The following RBFOX2 variants were observed in gnomAD, a reference collection of about 807,000 sequenced individuals.
RBFOX2 encodes the protein RNA binding fox-1 homolog 2.
Under a neutral mutation model 49.1 loss-of-function variants are expected in RBFOX2, and 10 were observed. That is an observed-to-expected ratio of 0.20 (90% CI 0.13 to 0.35). RBFOX2 has a LOEUF of 0.35. RBFOX2 is among the 10% of genes least tolerant of loss of function. The pLI is 1.00. For missense variants in RBFOX2, 323 were observed against 486.9 expected, an observed-to-expected ratio of 0.66 and a Z score of 3.17; for synonymous variants, 183 against 187.4, an observed-to-expected ratio of 0.98 and a Z score of 0.19.
rs375088964 is a variant in RBFOX2 at position 35,977,722 on chromosome 22, CTATATATATATATATATATATATA to C, written c.187-38849_187-38826del. On this transcript the variant is annotated intron_variant, in intron 1 of 13. Coordinates refer to the RBFOX2 transcript ENST00000438146. Reference sequence around the variant, plus strand: ...TGCATGTAAATTATACCTGAATGAACTATATATATATATATATATATATATATATATATATATATACATGCACAC... The same window carrying C: ...TGCATGTAAATTATACCTGAATGAACTATATATATATATATACATGCACAC... Among the ~76,000 whole-genome samples, 98 of 80,874 alleles carry C rather than the reference CTATATATATATATATATATATATA, an allele frequency of 1.2e-3. 4 individuals are homozygous for C. Among genetic ancestry groups the C allele is most frequent in the African/African-American group, 4.3e-3 (91 of 21,090 alleles). The allele number at this position is 80,874 out of a possible 152,430, so 53.1% of individuals were successfully genotyped here.
intron 2 of RBFOX2, among the ~76,000 whole-genome samples, chr22:35,784,371 G>A (rs1945906466): frequency 6.6e-6 from 1 of 152,214 alleles, no homozygotes; most frequent in Non-Finnish European, 1.5e-5. Flanking sequence ...TTCCCACGGA[G>A]AGGCACATGG....
chr22:35,989,575 A>G (rs898901546), intron 1 of RBFOX2, among the ~76,000 whole-genome samples: 2 of 152,156 alleles, frequency 1.3e-5, no homozygotes, highest in Non-Finnish European at 2.9e-5. Flanking sequence ...AAGGGAGGAG[A>G]GTGAAAAGCA....
intron 2 of RBFOX2, among the ~76,000 whole-genome samples, chr22:35,807,664 C>T (rs1951024644): frequency 6.6e-6 from 1 of 151,850 alleles, no homozygotes; most frequent in South Asian, 2.1e-4. Context: ...ATCACCTAAG[C>T]TTGCAACTCA....
intron 1 of RBFOX2, among the ~76,000 whole-genome samples, chr22:35,977,722 C>CTATAGATATAGATATATATATATA (rs1289842750): frequency 1.2e-5 from 1 of 80,842 alleles, no homozygotes; most frequent in African/African-American, 4.8e-5. Flanking sequence ...CCTGAATGAA[C>CTATAGATATAGATATATATATATA]TATATATATA....
intron 1 of RBFOX2, among the ~76,000 whole-genome samples, chr22:35,890,081 A>C (rs1340743249): frequency 6.6e-6 from 1 of 152,142 alleles, no homozygotes; most frequent in Non-Finnish European, 1.5e-5. Context: ...TTGCTACTTC[A>C]TTTCTAAAAT....
chr22:35,944,494 T>C (rs1050017407), intron 1 of RBFOX2, among the ~76,000 whole-genome samples: 23 of 152,192 alleles, frequency 1.5e-4, no homozygotes, highest in Admixed American at 1.5e-3. Context: ...CTATTTTTTG[T>C]AGCATTTTAA....
intron 3 of RBFOX2, 55 bp from the exon 5 acceptor site, chr22:35,778,133 T>A: frequency 1.4e-6 from 2 of 1,383,760 alleles, no homozygotes; most frequent in East Asian, 4.6e-5. Context: ...ATCCACATAT[T>A]TTGTTATCTT....
chr22:35,985,345 T>C (rs2057657014), intron 1 of RBFOX2, among the ~76,000 whole-genome samples: 1 of 152,082 alleles, frequency 6.6e-6, no homozygotes, highest in South Asian at 2.1e-4. Context: ...TTCTGTAAAA[T>C]GGGTAGACTG....
rs3075271 is a variant in RBFOX2, at chr22:36,026,541, TACACACACACACAC to T, written c.186+1685_186+1698del. Reference sequence around the variant, plus strand: ...TTGACAGAAATGATAAATGAATACATACACACACACACACACACACACACACACACACCAAGTAG... The same window carrying T: ...TTGACAGAAATGATAAATGAATACATACACACACACACACACACCAAGTAG... On this transcript the variant is annotated intron_variant, in intron 1 of 13. Transcript: ENST00000438146. Among the ~76,000 whole-genome samples, 7 of 136,646 alleles carry T rather than the reference TACACACACACACAC, an allele frequency of 5.1e-5. No homozygotes were observed. In the East Asian group the frequency reaches 1.3e-3, roughly 24 times the overall value. The allele number at this position is 136,646 out of a possible 152,430, so 89.6% of individuals were successfully genotyped here.
At chr22:35,743,520 C>A (rs988038115) in exon 12 of RBFOX2, 2 of 152,180 alleles carry the variant, frequency 1.3e-5, no homozygotes, top group African/African-American at 4.8e-5. Flanking sequence ...AATATCAATA[C>A]TATAATTCCA....
chr22:35,862,281 C>A (rs2043178752), intron 1 of RBFOX2, among the ~76,000 whole-genome samples: 1 of 150,110 alleles, frequency 6.7e-6, no homozygotes, highest in Non-Finnish European at 1.5e-5. Flanking sequence ...CATTGTATAT[C>A]AATTATACCT....
chr22:35,973,417 A>C (rs1000461159), intron 1 of RBFOX2, among the ~76,000 whole-genome samples: 32 of 152,224 alleles, frequency 2.1e-4, no homozygotes, highest in Admixed American at 1.3e-4. Flanking sequence ...CCCAAGCCAC[A>C]CTGGTGACAA....
chr22:35,899,904 CAGA>C (rs2048361363), intron 1 of RBFOX2, among the ~76,000 whole-genome samples: 1 of 152,154 alleles, frequency 6.6e-6, no homozygotes, highest in Non-Finnish European at 1.5e-5. Flanking sequence ...GGAGGGCCCA[CAGA>C]AGAAGTTTCT....
At position 35,801,637 on chromosome 22, in the gene RBFOX2, C is replaced by G. The variant is rs952340132; in HGVS notation, c.252+8143G>C. On this transcript the variant is annotated intron_variant, in intron 2 of 11. Transcript: ENST00000405409. Reference sequence around the variant, plus strand: ...GTCAGGAGTTCGAGACCAACCTGGCCAACATGGTGAAACCTCGTCTCTACT... The same window carrying G: ...GTCAGGAGTTCGAGACCAACCTGGCGAACATGGTGAAACCTCGTCTCTACT... Among the ~76,000 whole-genome samples the G allele has an allele frequency of 7.9e-5, 12 of 151,982 alleles. No individual in the cohort carries two copies. The South Asian group carries it at 8.3e-4, about 11-fold the overall frequency.
At chr22:35,835,460 C>G (rs1286987978) in intron 1 of RBFOX2, among the ~76,000 whole-genome samples, 2 of 150,808 alleles carry the variant, frequency 1.3e-5, no homozygotes, top group Non-Finnish European at 3.0e-5. Context: ...CTGTGTAGAT[C>G]AGAGTTTGGA....
At chr22:35,743,241 C>A (rs2075351225) in exon 12 of RBFOX2, 1 of 152,140 alleles carries the variant, frequency 6.6e-6, no homozygotes, top group African/African-American at 2.4e-5. Context: ...TACTTCTAAT[C>A]CTCAAGACAT....
intron 1 of RBFOX2, among the ~76,000 whole-genome samples, chr22:35,917,186 G>C (rs1326501220): frequency 6.6e-6 from 1 of 152,190 alleles, no homozygotes; most frequent in Non-Finnish European, 1.5e-5. Context: ...CCCTAAAAAG[G>C]AGCTCATGTT....
At chr22:35,907,851 C>G (rs367675107) in intron 1 of RBFOX2, among the ~76,000 whole-genome samples, 1 of 151,956 alleles carries the variant, frequency 6.6e-6, no homozygotes, top group African/African-American at 2.4e-5. Context: ...TTTGTCACAT[C>G]GGCCAGACTG....
chr22:35,862,174 C>A (rs541627158), intron 1 of RBFOX2, among the ~76,000 whole-genome samples: 2 of 152,142 alleles, frequency 1.3e-5, no homozygotes, highest in South Asian at 4.2e-4. Flanking sequence ...AGAAAACTTA[C>A]GGAGATGATT....
Sources: allele counts gnomAD v4.1 joint callset (sites outside exome capture counted in the v4.1 genomes callset), GRCh38; gene constraint gnomAD v4.1.1; transcripts MANE v1.5; gene names NCBI Gene and HGNC (gene_info 2026-07-23, HGNC 2026-07-21).